ACOT9: variants seen among roughly 807,000 people sequenced by gnomAD.
The protein encoded by ACOT9 is acyl-coenzyme A thioesterase 9, mitochondrial.
A neutral mutation model predicts 39.7 loss-of-function variants in ACOT9; 34 were observed. The observed-to-expected ratio is 0.86, with a 90% CI of 0.65 to 1.14. ACOT9 has a LOEUF of 1.14. Among genes scored for constraint, ACOT9 ranks in the 50% most tolerant of loss-of-function variants. ACOT9 has a pLI of 0.00. For missense variants in ACOT9, 313 were observed against 344.1 expected, an observed-to-expected ratio of 0.91 and a Z score of 0.71; for synonymous variants, 110 against 120.5, an observed-to-expected ratio of 0.91 and a Z score of 0.57.
Position 23,729,629 on chromosome X carries a change from A to T in ACOT9, c.400+898T>A, listed in dbSNP as rs760033706. 1.2e-4 allele frequency among the ~76,000 whole-genome samples: 13 copies of T among 109,633 alleles called. No homozygotes were observed. In the South Asian group the frequency reaches 2.7e-3, roughly 23 times the overall value. The stretch of plus-strand genomic sequence containing the variant: ...TTCTCACATAATTCAGGGACAAAAA[A>T]TTTTTTTCTTTTTTATTTTTGAGAC... On this transcript the variant is annotated intron_variant, in intron 6 of 15. Transcript: ENST00000379303.
At chrX:23,708,538 GAAAAAA>G (rs567506307) in intron 9 of ACOT9, among the ~76,000 whole-genome samples, 1 of 70,854 alleles carries the variant, frequency 1.4e-5, no homozygotes, top group Non-Finnish European at 2.5e-5. Flanking sequence ...CTCAAAAAAA[GAAAAAA>G]AAAAAAAAAA....
intron 6 of ACOT9, among the ~76,000 whole-genome samples, chrX:23,729,115 G>A (rs952869410): frequency 2.7e-5 from 3 of 111,495 alleles, no homozygotes; most frequent in African/African-American, 9.8e-5. Flanking sequence ...GGGGAAAAGA[G>A]TAACTTTACA....
intron 9 of ACOT9, among the ~76,000 whole-genome samples, chrX:23,711,499 C>T (rs890640755): frequency 8.9e-6 from 1 of 112,342 alleles, no homozygotes; most frequent in Non-Finnish European, 1.9e-5. Context: ...CAAACCCAAT[C>T]GCCCTAGTTG....
intron 9 of ACOT9, among the ~76,000 whole-genome samples, chrX:23,712,077 A>C (rs1477303544): frequency 9.0e-6 from 1 of 111,703 alleles, no homozygotes; most frequent in African/African-American, 3.3e-5. Flanking sequence ...GGAAGACACA[A>C]CTGTTCTGGA....
In ACOT9 at chrX:23,713,226, G is replaced by T. The variant is rs768711886; in HGVS notation, c.589-18C>A. On this transcript the variant is annotated intron_variant, in intron 8 of 15. Transcript: ENST00000379303. ...CCATGTAACTGAAGAACAAAGGAAA[G>T]AAAATGTACATATGAGAAATGGATT... The T allele has an allele frequency of 1.7e-6, 2 of 1,157,051 alleles. No individual in the cohort carries two copies. The highest frequency in any genetic ancestry group is 2.4e-6 in the Non-Finnish European group (2 of 848,634).
intron 4 of ACOT9, among the ~76,000 whole-genome samples, chrX:23,731,494 A>G (rs1395287438): frequency 1.9e-5 from 2 of 103,709 alleles, no homozygotes; most frequent in East Asian, 2.9e-4. Context: ...AAAAAAAAAG[A>G]AAACTTAAAA....
At chrX:23,724,252 ACT>A (rs1412477433) in intron 6 of ACOT9, among the ~76,000 whole-genome samples, 4 of 111,188 alleles carry the variant, frequency 3.6e-5, no homozygotes, top group Non-Finnish European at 7.5e-5. Context: ...ACAGAGTAAG[ACT>A]CTGTCTCAAA....
intron 13 of ACOT9, 47 bp downstream of exon 13, chrX:23,705,462 A>G: frequency 9.9e-7 from 1 of 1,013,057 alleles, no homozygotes; most frequent in African/African-American, 1.9e-5. Context: ...CAGTGGGGTG[A>G]TATAAATTGC....
chrX:23,703,926 T>C lies in ACOT9; in HGVS notation c.1315A>G (p.Thr439Ala). The C allele has an allele frequency of 8.3e-7, 1 of 1,211,413 alleles. No homozygotes were observed. The highest frequency in any genetic ancestry group is 3.0e-5 in the East Asian group (1 of 33,823). ...TCCACAAGGTAGTCCTTTCTCAAGGTCGCTGGGCCACTCATGGAGTTGAAA... is the reference window on the plus strand; with the variant it reads ...TCCACAAGGTAGTCCTTTCTCAAGGCCGCTGGGCCACTCATGGAGTTGAAA... ...RHFNSMSGPATLRKDYLVEP is the reference protein window; with the variant it reads ...RHFNSMSGPAALRKDYLVEP The change falls in exon 16 of 16, where the codon ACC (threonine) becomes GCC (alanine). Residue 439 changes from threonine (T) to alanine (A), a missense_variant. Physicochemically the swap from Thr to Ala is moderately conservative, Grantham distance 58 (BLOSUM62 0). Transcript: ENST00000379303.
intron 6 of ACOT9, among the ~76,000 whole-genome samples, 197 bp from the exon 7 acceptor site, chrX:23,722,950 C>T (rs1340410069): frequency 1.8e-5 from 2 of 110,981 alleles, no homozygotes; most frequent in African/African-American, 6.6e-5. Context: ...ATCTGACTGC[C>T]CCCTCAATTT....
intron 8 of ACOT9, among the ~76,000 whole-genome samples, chrX:23,715,249 T>C (rs1171601133): frequency 8.9e-6 from 1 of 111,774 alleles, no homozygotes; most frequent in Admixed American, 9.6e-5. Context: ...TGCACCTTTT[T>C]CTCTAGCCAT....
chrX:23,706,863 G>A (rs1313756836), intron 10 of ACOT9, 124 bp from the exon 11 acceptor site: 1 of 428,639 alleles, frequency 2.3e-6, no homozygotes, highest in Non-Finnish European at 4.1e-6. Flanking sequence ...GAAAACTGCA[G>A]AGGCCACATA....
At chrX:23,707,359 T>C (rs769186392) in intron 10 of ACOT9, among the ~76,000 whole-genome samples, 1 of 110,899 alleles carries the variant, frequency 9.0e-6, no homozygotes, top group South Asian at 3.8e-4. Flanking sequence ...TTAATAAATA[T>C]TGTCTGATCA....
At position 23,703,549 on chromosome X, in the gene ACOT9, A is replaced by AC; in HGVS notation, c.*344dup. 1 of 139,069 alleles carries AC rather than the reference A, an allele frequency of 7.2e-6. No individual in the cohort carries two copies. The highest frequency in any genetic ancestry group is 2.1e-4 in the East Asian group (1 of 4,754). 11.5% of individuals were successfully genotyped at this position (139,069 alleles called of 1,213,427 possible). The stretch of plus-strand genomic sequence containing the variant: ...TGGCCAGGATGGTCTTGATCTCCTG[A>AC]CTTCATGATCCGCCCGCCTCAGCCT... On this transcript the variant is annotated 3_prime_UTR_variant, in exon 16 of 16. Coordinates refer to ENST00000379303, the MANE Select transcript of ACOT9 (RefSeq NM_001037171.2).
At chrX:23,738,580 T>C (rs1300409564) in intron 1 of ACOT9, among the ~76,000 whole-genome samples, 1 of 111,361 alleles carries the variant, frequency 9.0e-6, no homozygotes, top group Non-Finnish European at 1.9e-5. Context: ...CATTCCAGCC[T>C]GAGCAACAGA....
intron 9 of ACOT9, among the ~76,000 whole-genome samples, chrX:23,710,861 CATGGTGGT>C (rs1928869253): frequency 9.1e-6 from 1 of 109,905 alleles, no homozygotes; most frequent in Non-Finnish European, 1.9e-5. Context: ...ATTAGCTCGG[CATGGTGGT>C]ATGTGCCTGT....
chrX:23,725,774 G>A (rs1875335268), intron 6 of ACOT9, among the ~76,000 whole-genome samples: 1 of 111,179 alleles, frequency 9.0e-6, no homozygotes, highest in Admixed American at 9.6e-5. Flanking sequence ...CTGTGATCAC[G>A]CCACTGCACT....
Position 23,703,513 on chromosome X carries a change from T to G in ACOT9, c.*381A>C. On this transcript the variant is annotated 3_prime_UTR_variant, in exon 16 of 16. Coordinates refer to ENST00000379303, the MANE Select transcript of ACOT9 (RefSeq NM_001037171.2). Reference sequence around the variant, plus strand: ...TTCTGTATTTTTAGTAGAGACAGGGTTTCACCATGTTGGCCAGGATGGTCT... The same window carrying G: ...TTCTGTATTTTTAGTAGAGACAGGGGTTCACCATGTTGGCCAGGATGGTCT... 8.3e-6 allele frequency: 1 copy of G among 120,090 alleles called. No homozygotes were observed. Among genetic ancestry groups the G allele is most frequent in the Non-Finnish European group, 1.7e-5 (1 of 58,132 alleles). 9.9% of individuals were successfully genotyped at this position (120,090 alleles called of 1,213,427 possible). A position where few individuals can be genotyped will look rare whatever the true frequency, so the allele number is the denominator to read the frequency against.
intron 9 of ACOT9, among the ~76,000 whole-genome samples, chrX:23,709,535 G>A (rs763815946): frequency 5.9e-4 from 66 of 112,510 alleles, no homozygotes; most frequent in Non-Finnish European, 1.1e-3. Context: ...GCTGGGGCTG[G>A]CAGGAAGGGC....
Sources: allele counts gnomAD v4.1 joint callset (sites outside exome capture counted in the v4.1 genomes callset), GRCh38; gene constraint gnomAD v4.1.1; transcripts MANE v1.5; gene names NCBI Gene and HGNC (gene_info 2026-07-23, HGNC 2026-07-21).